Variants in NFU1 observed in about 807,000 individuals in gnomAD.
The protein encoded by NFU1 is NFU1 iron-sulfur cluster scaffold.
In NFU1, 30 loss-of-function variants were observed where a neutral mutation model predicts 32.2. That is an observed-to-expected ratio of 0.93 (90% confidence interval 0.70 to 1.26). NFU1 has a LOEUF of 1.26. Among genes scored for constraint, NFU1 ranks in the 50% most tolerant of loss-of-function variants. The probability of loss-of-function intolerance (pLI) is 0.00; values close to 1 mark genes in which losing one functional copy is unlikely to be tolerated. For synonymous variants in NFU1, 112 were observed against 104.6 expected (o/e 1.07, Z -0.43); for missense variants, 306 against 306.6 (o/e 1.00, Z 0.02).
At chr2:69,438,887 CCCATCCAACCCCCCACCCA>C, upstream of NFU1, among the ~76,000 whole-genome samples, 1 of 117,772 alleles carries the variant, frequency 8.5e-6, no homozygotes, top group African/African-American at 3.3e-5. Flanking sequence ...GTGATCTTCC[CCCATCCAACCCCCCACCCA>C]CCCCCCCACA....
In NFU1 at chr2:69,431,113, C is replaced by T. The variant is rs533135766; in HGVS notation, c.166+789G>A. ...TCTCGTTAACAATCAAGATTATTAA[C>T]AAAACCATAGTAATTAATTTTGACA... On this transcript the variant is annotated intron_variant, in intron 2 of 7. Transcript: ENST00000410022. Among the ~76,000 whole-genome samples, 4 of 152,186 alleles carry T rather than the reference C, an allele frequency of 2.6e-5. No individual in the cohort carries two copies. The East Asian group carries it at 7.7e-4, about 29-fold the overall frequency.
intron 6 of NFU1, among the ~76,000 whole-genome samples, chr2:69,402,199 T>G (rs1672545701): frequency 6.6e-6 from 1 of 152,160 alleles, no homozygotes; most frequent in Admixed American, 6.6e-5. Context: ...CCAGCCACTA[T>G]TTGATCATCT....
intron 3 of NFU1, among the ~76,000 whole-genome samples, chr2:69,421,692 C>T (rs996280848): frequency 2.0e-5 from 3 of 151,514 alleles, no homozygotes; most frequent in African/African-American, 2.4e-5. Context: ...CTCAGCCTCC[C>T]GAGTGGCTAG....
chr2:69,436,757 T>C (rs988221903), intron 1 of NFU1, among the ~76,000 whole-genome samples: 1 of 152,156 alleles, frequency 6.6e-6, no homozygotes, highest in African/African-American at 2.4e-5. Flanking sequence ...TTCACAGAAG[T>C]CTTTGAAAGG....
chr2:69,400,575 A>T (rs1558807224), intron 6 of NFU1, 37 bp from the exon 7 acceptor site: 1 of 1,590,612 alleles, frequency 6.3e-7, no homozygotes, highest in Non-Finnish European at 8.6e-7. Flanking sequence ...ATATTCTTTA[A>T]AATACAAGTT....
chr2:69,406,176 C>A, intron 5 of NFU1, 94 bp from the exon 6 acceptor site: 2 of 740,592 alleles, frequency 2.7e-6, no homozygotes, highest in South Asian at 1.5e-5. Context: ...CTACATGGTT[C>A]ATTAAAAACA....
intron 2 of NFU1, among the ~76,000 whole-genome samples, chr2:69,425,563 C>A (rs1673425409): frequency 6.6e-6 from 1 of 151,918 alleles, no homozygotes; most frequent in Admixed American, 6.6e-5. Context: ...CCATGTTGGC[C>A]CAGCTGGTCT....
chr2:69,437,178 G>A, intron 1 of NFU1, 183 bp downstream of exon 1: 1 of 1,355,612 alleles, frequency 7.4e-7, no homozygotes, highest in Non-Finnish European at 9.8e-7. Flanking sequence ...TTAGGCCACA[G>A]AAGCGCCGAG....
chr2:69,404,961 T>C (rs191303477), intron 6 of NFU1, among the ~76,000 whole-genome samples: 5 of 151,950 alleles, frequency 3.3e-5, no homozygotes, highest in Admixed American at 6.6e-5. Flanking sequence ...AACTATAGGC[T>C]TACTTGGCTG....
In NFU1 at chr2:69,437,274, C is replaced by T. The variant is rs1048254439; in HGVS notation, c.62+87G>A. 14 of 1,534,526 alleles carry T rather than the reference C, an allele frequency of 9.1e-6. No individual in the cohort carries two copies. The African/African-American group carries it at 1.9e-4, about 21-fold the overall frequency. ...CTCCATCAGATGCACTACCCACCCG[C>T]CTCGAGAGAGGGTCTGCAAGGCGGC... On this transcript the variant is annotated intron_variant, in intron 1 of 7. Transcript: ENST00000410022.
chr2:69,437,279 A>C (rs1428037752), intron 1 of NFU1, 82 bp downstream of exon 1: 16 of 1,539,522 alleles, frequency 1.0e-5, no homozygotes, highest in Non-Finnish European at 1.4e-5. Context: ...ACCCGCCTCG[A>C]GAGAGGGTCT....
chr2:69,416,669 C>T (rs188452068), intron 4 of NFU1, among the ~76,000 whole-genome samples: 38 of 152,082 alleles, frequency 2.5e-4, no homozygotes, highest in African/African-American at 8.7e-4. Flanking sequence ...GAGGCCGAGG[C>T]GGGTGGATCA....
At chr2:69,398,235 G>A (rs1293144504) in intron 7 of NFU1, among the ~76,000 whole-genome samples, 2 of 152,146 alleles carry the variant, frequency 1.3e-5, no homozygotes, top group Non-Finnish European at 2.9e-5. Context: ...GTCTCTTAGG[G>A]AGCTTCCACG....
chr2:69,426,580 C>T (rs1056888922), intron 2 of NFU1, among the ~76,000 whole-genome samples: 7 of 152,030 alleles, frequency 4.6e-5, no homozygotes, highest in Non-Finnish European at 8.8e-5. Flanking sequence ...GCCACTGTGC[C>T]CGCCAACTCT....
rs189538654 is a variant in NFU1, at chr2:69,407,067, G to A, written c.485-985C>T. Among the ~76,000 whole-genome samples the A allele has an allele frequency of 2.6e-4, 40 of 152,196 alleles. 1 individual carries two copies. In the East Asian group the frequency reaches 7.5e-3, roughly 29 times the overall value. On this transcript the variant is annotated intron_variant, in intron 5 of 7. Coordinates refer to ENST00000410022, the MANE Select transcript of NFU1 (RefSeq NM_001002755.4). The stretch of plus-strand genomic sequence containing the variant: ...TTCCTAAGGCCTCCCCAGCTATGCT[G>A]AACTGTGAGTCAATTAAACCTCTTT...
chr2:69,407,630 G>A (rs1341040016), intron 5 of NFU1, among the ~76,000 whole-genome samples: 6 of 143,104 alleles, frequency 4.2e-5, no homozygotes, highest in South Asian at 2.2e-4. Flanking sequence ...AGCTAAGATC[G>A]CACCACTGTA....
upstream of NFU1, among the ~76,000 whole-genome samples, chr2:69,437,864 T>C (rs536166403): frequency 2.0e-5 from 3 of 152,188 alleles, no homozygotes; most frequent in Non-Finnish European, 4.4e-5. Flanking sequence ...GTTCTCGCAT[T>C]TCTCCTGCCC....
At chr2:69,436,798 GA>G (rs1220073355) in intron 1 of NFU1, among the ~76,000 whole-genome samples, 1 of 150,672 alleles carries the variant, frequency 6.6e-6, no homozygotes, top group Non-Finnish European at 1.5e-5. Context: ...CAGGGAGGCG[GA>G]AAAAACAAGG....
chr2:69,425,746 A>G (rs1353217384), intron 2 of NFU1, among the ~76,000 whole-genome samples: 1 of 151,720 alleles, frequency 6.6e-6, no homozygotes, highest in Admixed American at 6.6e-5. Flanking sequence ...TCAGCCTCCC[A>G]AAGTGTTGGG....
Sources: gnomAD v4.1 joint callset for allele counts (sites outside exome capture counted in the v4.1 genomes callset) on GRCh38, gnomAD v4.1.1 for gene constraint, MANE v1.5 for transcripts, NCBI Gene and HGNC (gene_info 2026-07-23, HGNC 2026-07-21) for gene names.